Variants in DCAKD observed in about 807,000 individuals in gnomAD.
DCAKD encodes dephospho-CoA kinase domain-containing protein.
Under a neutral mutation model 18.7 loss-of-function variants are expected in DCAKD, and 15 were observed. The observed-to-expected ratio is 0.80, with a 90% CI of 0.54 to 1.24. The LOEUF is 1.24. Among genes scored for constraint, DCAKD ranks in the 50% most tolerant of loss-of-function variants. The pLI is 0.00. For missense variants in DCAKD, 301 were observed against 322.0 expected (o/e 0.93, Z 0.50); for synonymous variants, 130 against 133.0 (o/e 0.98, Z 0.16).
chr17:45,059,266 A>AAC lies in DCAKD; in HGVS notation c.-118+1621_-118+1622insGT, dbSNP rs574467982. 1.7e-3 allele frequency among the ~76,000 whole-genome samples: 252 copies of AAC among 152,172 alleles called. 1 individual carries two copies. The highest frequency in any genetic ancestry group is 5.7e-3 in the African/African-American group (238 of 41,502). Reference sequence around the variant, plus strand: ...CCGTCTCAGAAAAAAAAAAGAAAGAAAGAGTTGACTATATTTAGTTCTGTG... The same window carrying AAC: ...CCGTCTCAGAAAAAAAAAAGAAAGAAACAGAGTTGACTATATTTAGTTCTGTG... On this transcript the variant is annotated intron_variant, in intron 1 of 4. Transcript: ENST00000310604.
chr17:45,036,058 C>T (rs1567837764), intron 1 of DCAKD, among the ~76,000 whole-genome samples: 1 of 152,170 alleles, frequency 6.6e-6, no homozygotes, highest in African/African-American at 2.4e-5. Context: ...GAGCTGGCGT[C>T]GTGGTTTGTG....
Position 45,034,002 on chromosome 17 carries a change from T to G in DCAKD, c.316+185A>C, listed in dbSNP as rs749521186. On this transcript the variant is annotated intron_variant, in intron 3 of 4. Transcript: ENST00000651974. ...TTAAACTGTCAGCCTCCTTAAGAGCTGAGGGAACGTGCTTCTTTCCTCTGG... is the reference window on the plus strand; with the variant it reads ...TTAAACTGTCAGCCTCCTTAAGAGCGGAGGGAACGTGCTTCTTTCCTCTGG... 3.8e-6 allele frequency: 6 copies of G among 1,594,160 alleles called. No individual in the cohort carries two copies. The South Asian group carries it at 5.6e-5, about 15-fold the overall frequency.
At chr17:45,053,990 A>T, upstream of DCAKD, 1 of 491,022 alleles carries the variant, frequency 2.0e-6, no homozygotes, top group Non-Finnish European at 4.1e-6. Flanking sequence ...TGCCCTGCAC[A>T]GTAGGGATTC....
intron 4 of DCAKD, among the ~76,000 whole-genome samples, chr17:45,029,216 T>C (rs757792944): frequency 3.3e-5 from 5 of 152,180 alleles, no homozygotes; most frequent in African/African-American, 4.8e-5. Flanking sequence ...CGTCCCTGCA[T>C]TGGGCTCAAG....
intron 4 of DCAKD, among the ~76,000 whole-genome samples, chr17:45,025,009 C>CTTTTT (rs747194341): frequency 3.5e-5 from 4 of 113,304 alleles, no homozygotes; most frequent in Non-Finnish European, 5.3e-5. Context: ...GGCCACAGCT[C>CTTTTT]TTTTTTTTTT....
chr17:45,050,092 G>A (rs1253355786), intron 1 of DCAKD, among the ~76,000 whole-genome samples: 1 of 149,418 alleles, frequency 6.7e-6, no homozygotes, highest in East Asian at 2.0e-4. Context: ...CCAGGCTGGA[G>A]TGCAGTGGCA....
At chr17:45,050,359 A>G (rs2053665806) in intron 1 of DCAKD, among the ~76,000 whole-genome samples, 1 of 152,052 alleles carries the variant, frequency 6.6e-6, no homozygotes, top group African/African-American at 2.4e-5. Context: ...GGTAATTTTC[A>G]AAACAAAGCT....
chr17:45,024,580 A>G lies in DCAKD; in HGVS notation c.549T>C (p.Ser183=), dbSNP rs2053014792. 6.2e-7 allele frequency: 1 copy of G among 1,613,556 alleles called. No homozygotes were observed. Among genetic ancestry groups the G allele is most frequent in the Non-Finnish European group, 8.5e-7 (1 of 1,179,866 alleles). Residue 183 remains serine, a synonymous_variant, in exon 5 of 5, where the codon AGT becomes AGC. Coordinates refer to ENST00000651974, the MANE Select transcript of DCAKD (RefSeq NM_001288655.2). ...AGAGGATGACCTGGCGTTTGGTGAC[A>G]CTCCACTCGCCCGAGTTGTCTAGGA... is the stretch of plus-strand genomic sequence containing the variant. ...RHVLDNSGEW[S]VTKRQVILLH... is the part of the protein sequence containing the mutation.
chr17:45,032,625 A>G (rs1386755942), intron 3 of DCAKD, among the ~76,000 whole-genome samples: 1 of 152,082 alleles, frequency 6.6e-6, no homozygotes, highest in African/African-American at 2.4e-5. Context: ...TCTACTAAAA[A>G]TACAAAAGTT....
At chr17:45,031,419 T>C in intron 3 of DCAKD, 1 of 958,092 alleles carries the variant, frequency 1.0e-6, no homozygotes, top group Non-Finnish European at 1.2e-6. Flanking sequence ...GTAAACCTCA[T>C]CTGTGTAAAT....
Position 45,023,402 on chromosome 17 carries a change from C to T in DCAKD, c.*1031G>A, listed in dbSNP as rs963790813. 3.3e-5 allele frequency: 5 copies of T among 152,144 alleles called. No homozygotes were observed. Among genetic ancestry groups the T allele is most frequent in the Non-Finnish European group, 7.3e-5 (5 of 68,058 alleles). The allele number at this position is 152,144 out of a possible 1,614,324, so 9.4% of individuals were successfully genotyped here. A position where few individuals can be genotyped will look rare whatever the true frequency, so the allele number is the denominator to read the frequency against. On this transcript the variant is annotated 3_prime_UTR_variant, in exon 5 of 5. Coordinates refer to ENST00000651974, the MANE Select transcript of DCAKD (RefSeq NM_001288655.2). ...TTAAACACCAACAGCGGGCCAGGCT[C>T]TGCACTAAGAACACAGAGATGAATA...
At chr17:45,030,680 C>T (rs551423245) in intron 3 of DCAKD, among the ~76,000 whole-genome samples, 2 of 152,358 alleles carry the variant, frequency 1.3e-5, no homozygotes, top group Non-Finnish European at 2.9e-5. Context: ...CCCCAAAGAG[C>T]CAGGTGCAGG....
At chr17:45,045,903 G>C (rs1391546024) in intron 1 of DCAKD, among the ~76,000 whole-genome samples, 8 of 151,810 alleles carry the variant, frequency 5.3e-5, no homozygotes, top group Admixed American at 5.3e-4. Flanking sequence ...TTGGCTTACT[G>C]CAACCTCTAC....
At chr17:45,031,015 G>A (rs2053162089) in intron 3 of DCAKD, 1 of 985,428 alleles carries the variant, frequency 1.0e-6, no homozygotes, top group Non-Finnish European at 1.2e-6. Context: ...TGACCCCTGT[G>A]CATGTGTACA....
chr17:45,042,616 G>A (rs928482822), intron 1 of DCAKD, among the ~76,000 whole-genome samples: 15 of 152,112 alleles, frequency 9.9e-5, no homozygotes, highest in African/African-American at 3.6e-4. Flanking sequence ...TCCTGCCTTG[G>A]GACCCAATTA....
chr17:45,031,807 G>A (rs1320706024), intron 3 of DCAKD: 5 of 985,254 alleles, frequency 5.1e-6, no homozygotes, highest in African/African-American at 1.7e-5. Context: ...TAAGACATCC[G>A]TCTGCCTACA....
intron 1 of DCAKD, among the ~76,000 whole-genome samples, chr17:45,040,663 C>T (rs936510713): frequency 1.3e-5 from 2 of 152,174 alleles, no homozygotes; most frequent in African/African-American, 2.4e-5. Flanking sequence ...GGAAGCCACA[C>T]CCCATCCTTT....
chr17:45,035,028 C>A, intron 1 of DCAKD, 29 bp from the exon 2 acceptor site: 1 of 732,770 alleles, frequency 1.4e-6, no homozygotes, highest in South Asian at 1.8e-5. Context: ...CGGGACTGAT[C>A]AGTTTGGGCC....
intron 3 of DCAKD, 51 bp downstream of exon 3, chr17:45,034,136 C>T (rs1567834722): frequency 6.2e-7 from 1 of 1,611,756 alleles, no homozygotes; most frequent in Admixed American, 1.7e-5. Context: ...AGGAGAAGGG[C>T]CCTGGCCCTG....
Sources: gnomAD v4.1 joint callset for allele counts (sites outside exome capture counted in the v4.1 genomes callset) on GRCh38, gnomAD v4.1.1 for gene constraint, MANE v1.5 for transcripts, NCBI Gene and HGNC (gene_info 2026-07-23, HGNC 2026-07-21) for gene names.